The following PLCL1 variants were observed in gnomAD, a reference collection of about 807,000 sequenced individuals.
The protein encoded by PLCL1 is inactive phospholipase C-like protein 1.
PLCL1 carries 41 observed loss-of-function variants against 84.4 expected under a neutral mutation model. The ratio of observed to expected loss-of-function variants is 0.49; its 90% CI spans 0.38 to 0.63. The LOEUF is 0.63. PLCL1 is among the 30% of genes least tolerant of loss of function. PLCL1 has a pLI of 0.00. For missense variants in PLCL1, 1,206 were observed against 1,367.8 expected (o/e 0.88, Z 1.87); for synonymous variants, 490 against 488.3 (o/e 1.00, Z -0.05).
intron 1 of PLCL1, among the ~76,000 whole-genome samples, chr2:197,845,106 T>A (rs1687096380): frequency 6.6e-6 from 1 of 152,186 alleles, no homozygotes; most frequent in Non-Finnish European, 1.5e-5. Context: ...GTTTTCAGAT[T>A]TGAATCAGTT....
chr2:197,917,497 A>C (rs767716019), intron 1 of PLCL1, among the ~76,000 whole-genome samples: 22 of 152,338 alleles, frequency 1.4e-4, no homozygotes, highest in Non-Finnish European at 2.6e-4. Flanking sequence ...TGAAGTACAG[A>C]GAATTTTTTA....
chr2:197,805,231 C>T lies in PLCL1; in HGVS notation c.132C>T (p.Asp44=). The T allele has an allele frequency of 7.8e-7, 1 of 1,273,918 alleles. No individual in the cohort carries two copies. The highest frequency in any genetic ancestry group is 3.1e-5 in the East Asian group (1 of 31,812). The allele number at this position is 1,273,918 out of a possible 1,614,324, so 78.9% of individuals were successfully genotyped here. A position where few individuals can be genotyped will look rare whatever the true frequency, so the allele number is the denominator to read the frequency against. ...VTAASGGRMR[D]RRSGVALPGA... ...CGGCCTCTGGGGGCCGGATGAGGGA[C>T]CGTCGCAGCGGGGTCGCACTGCCAG... Residue 44 remains aspartate, a synonymous_variant, in exon 1 of 6, where the codon GAC becomes GAT. Coordinates refer to ENST00000428675, the MANE Select transcript of PLCL1 (RefSeq NM_006226.4). The surrounding 1 kb of genome is among the most constrained non-coding windows in gnomAD (Gnocchi z 4.0).
chr2:197,961,707 C>T (rs1272409376), intron 1 of PLCL1, among the ~76,000 whole-genome samples: 2 of 151,864 alleles, frequency 1.3e-5, no homozygotes, highest in Non-Finnish European at 2.9e-5. Context: ...TCTTTTTTCT[C>T]CAACCAAATA....
intron 1 of PLCL1, chr2:198,001,938 C>T (rs746012742): frequency 2.4e-5 from 10 of 420,824 alleles, no homozygotes; most frequent in South Asian, 5.2e-5. Flanking sequence ...GTCACTGTCT[C>T]CTATCACCCC....
chr2:198,131,917 C>T (rs768899474), intron 5 of PLCL1, among the ~76,000 whole-genome samples: 14 of 152,184 alleles, frequency 9.2e-5, no homozygotes, highest in African/African-American at 2.9e-4. Flanking sequence ...CTCATGGAAT[C>T]TCAGGCTAGA....
At position 197,912,962 on chromosome 2, in the gene PLCL1, T is replaced by TAA. The variant is rs71013000; in HGVS notation, c.240+107633_240+107634dup. ...AACTTACAGTATAATAAAAAAAAAT[T>TAA]AAAAAAAAAAAGAAAAATGAAAAGC... On this transcript the variant is annotated intron_variant, in intron 1 of 5. Coordinates refer to ENST00000428675, the MANE Select transcript of PLCL1 (RefSeq NM_006226.4). Among the ~76,000 whole-genome samples, 119 of 147,574 alleles carry TAA rather than the reference T, an allele frequency of 8.1e-4. 3 individuals carry two copies. Among genetic ancestry groups the TAA allele is most frequent in the African/African-American group, 2.1e-3 (85 of 40,068 alleles).
chr2:198,144,586 A>G (rs769371148), intron 5 of PLCL1, among the ~76,000 whole-genome samples: 35 of 152,154 alleles, frequency 2.3e-4, no homozygotes, highest in Admixed American at 8.5e-4. Flanking sequence ...GCTCTTCAAC[A>G]TATTGTCTTT....
intron 1 of PLCL1, among the ~76,000 whole-genome samples, chr2:197,822,619 T>C (rs985990195): frequency 6.6e-6 from 1 of 152,170 alleles, no homozygotes; most frequent in Non-Finnish European, 1.5e-5. Flanking sequence ...TCTACCCCAT[T>C]TCATGGATGA....
chr2:197,875,739 A>C (rs905533761), intron 1 of PLCL1, among the ~76,000 whole-genome samples: 7 of 152,104 alleles, frequency 4.6e-5, no homozygotes, highest in South Asian at 2.1e-4. Context: ...AAAAAAAAAA[A>C]CCGTAGAACT....
intron 5 of PLCL1, among the ~76,000 whole-genome samples, chr2:198,124,760 A>G (rs1048110918): frequency 6.6e-6 from 1 of 152,126 alleles, no homozygotes; most frequent in Admixed American, 6.5e-5. Flanking sequence ...GGAGATACAG[A>G]TGTTACAAAG....
At chr2:198,139,460 C>A (rs1049528977) in intron 5 of PLCL1, among the ~76,000 whole-genome samples, 1 of 152,134 alleles carries the variant, frequency 6.6e-6, no homozygotes, top group African/African-American at 2.4e-5. Context: ...TATCTAATTG[C>A]ATTCATATTA....
chr2:197,979,995 G>A (rs982351567), intron 1 of PLCL1, among the ~76,000 whole-genome samples: 3 of 152,180 alleles, frequency 2.0e-5, no homozygotes, highest in African/African-American at 7.2e-5. Context: ...GTAAGGGGCT[G>A]TATAGGGATG....
intron 1 of PLCL1, among the ~76,000 whole-genome samples, chr2:197,931,649 C>T (rs1305678092): frequency 2.1e-5 from 2 of 94,132 alleles, no homozygotes; most frequent in Non-Finnish European, 4.3e-5. Context: ...TACAACCATC[C>T]AACCAACCAA....
At chr2:198,055,294 CCTCTCTCTCTCTCTCTCT>C (rs772260935) in intron 1 of PLCL1, among the ~76,000 whole-genome samples, 1 of 120,258 alleles carries the variant, frequency 8.3e-6, no homozygotes, top group Admixed American at 7.9e-5. Context: ...CTGGTCAAAG[CCTCTCTCTCTCTCTCTCT>C]CTCTCTCTCT....
intron 1 of PLCL1, among the ~76,000 whole-genome samples, chr2:197,825,525 GC>G (rs1452043744): frequency 6.6e-6 from 1 of 152,150 alleles, no homozygotes; most frequent in African/African-American, 2.4e-5. Context: ...ATCTTCTGTA[GC>G]TCCTACTAAG....
At chr2:197,955,083 T>A (rs1689458891) in intron 1 of PLCL1, among the ~76,000 whole-genome samples, 2 of 152,076 alleles carry the variant, frequency 1.3e-5, no homozygotes. Flanking sequence ...ATCAGTCTTT[T>A]CCTTCCCATT....
At chr2:197,894,007 G>A (rs1688082253) in intron 1 of PLCL1, among the ~76,000 whole-genome samples, 1 of 151,820 alleles carries the variant, frequency 6.6e-6, no homozygotes, top group African/African-American at 2.4e-5. Flanking sequence ...GAAGGGTGAT[G>A]GAGTGTGTGT....
chr2:198,131,296 C>A (rs16827819), intron 5 of PLCL1, among the ~76,000 whole-genome samples: 1 of 152,108 alleles, frequency 6.6e-6, no homozygotes, highest in Non-Finnish European at 1.5e-5. Flanking sequence ...TTCATGGACA[C>A]CTCACCTTCT....
intron 1 of PLCL1, among the ~76,000 whole-genome samples, chr2:198,038,920 G>A (rs1691602364): frequency 6.6e-6 from 1 of 151,130 alleles, no homozygotes; most frequent in African/African-American, 2.4e-5. Context: ...CAGAAACAGA[G>A]CTGTAAGATA....
Sources: allele counts gnomAD v4.1 joint callset (sites outside exome capture counted in the v4.1 genomes callset), GRCh38; gene constraint gnomAD v4.1.1; non-coding constraint Gnocchi (gnomAD v3.1); transcripts MANE v1.5; gene names NCBI Gene and HGNC (gene_info 2026-07-23, HGNC 2026-07-21).